The following CDH18 variants were observed in gnomAD, a reference collection of about 807,000 sequenced individuals.
The protein encoded by CDH18 is cadherin-18.
In CDH18, 31 loss-of-function variants were observed where a neutral mutation model predicts 67.9. The observed-to-expected ratio is 0.46, with a 90% CI of 0.34 to 0.62. The LOEUF is 0.62. Ranked by LOEUF, CDH18 falls within the 20% of genes least tolerant of loss-of-function variation. CDH18 has a pLI of 0.01. For synonymous variants in CDH18, 362 were observed against 347.2 expected, an observed-to-expected ratio of 1.04 and a Z score of -0.48; for missense variants, 890 against 975.5, an observed-to-expected ratio of 0.91 and a Z score of 1.17.
chr5:20,290,141 T>C (rs1309076811), intron 1 of CDH18, among the ~76,000 whole-genome samples: 1 of 152,108 alleles, frequency 6.6e-6, no homozygotes, highest in Non-Finnish European at 1.5e-5. Context: ...ACTGCTACCA[T>C]CAGAACAGAA....
rs115841757 is a variant in CDH18, at chr5:19,743,208, T to C, written c.523+3734A>G. Reference sequence around the variant, plus strand: ...ATCTACCCAAAGGGAAGAAGCATGATCCCATATATTTGTAACAAACGCTAT... The same window carrying C: ...ATCTACCCAAAGGGAAGAAGCATGACCCCATATATTTGTAACAAACGCTAT... On this transcript the variant is annotated intron_variant, in intron 4 of 12. Transcript: ENST00000382275. 7.6e-3 allele frequency among the ~76,000 whole-genome samples: 1,154 copies of C among 152,250 alleles called. 11 individuals carry two copies. Among genetic ancestry groups the C allele is most frequent in the African/African-American group, 0.027 (1,111 of 41,546 alleles).
intron 11 of CDH18, among the ~76,000 whole-genome samples, chr5:19,490,161 T>A (rs1741168472): frequency 1.3e-5 from 2 of 151,876 alleles, no homozygotes; most frequent in Admixed American, 1.3e-4. Context: ...TAAGCATAAA[T>A]CCTCAGAGAG....
chr5:19,709,727 GAAAA>G (rs1183146651), intron 5 of CDH18, among the ~76,000 whole-genome samples: 1 of 151,824 alleles, frequency 6.6e-6, no homozygotes, highest in East Asian at 1.9e-4. Flanking sequence ...AAGAAAAAAA[GAAAA>G]GAAAGAAAAG....
intron 2 of CDH18, among the ~76,000 whole-genome samples, chr5:20,164,564 C>G (rs922347370): frequency 2.0e-5 from 3 of 152,044 alleles, no homozygotes; most frequent in African/African-American, 4.8e-5. Context: ...TGTGAGCCAT[C>G]GCACCCAGCC....
At chr5:19,847,252 TC>T (rs1321122827) in intron 2 of CDH18, among the ~76,000 whole-genome samples, 2 of 152,110 alleles carry the variant, frequency 1.3e-5, no homozygotes, top group African/African-American at 4.8e-5. Context: ...TTTATTGGAA[TC>T]TCACAATGTG....
intron 3 of CDH18, among the ~76,000 whole-genome samples, chr5:19,790,586 A>T (rs188289348): frequency 6.6e-6 from 1 of 152,282 alleles, no homozygotes; most frequent in East Asian, 1.9e-4. Context: ...GAGCTGTAAA[A>T]GCTAAAAGGA....
chr5:19,599,812 G>A (rs1415784277), intron 6 of CDH18, among the ~76,000 whole-genome samples: 3 of 152,070 alleles, frequency 2.0e-5, no homozygotes, highest in Non-Finnish European at 4.4e-5. Context: ...GCGTGAACCC[G>A]GGAGGCAGAG....
At chr5:19,882,124 C>T (rs773060301) in intron 2 of CDH18, among the ~76,000 whole-genome samples, 4 of 152,104 alleles carry the variant, frequency 2.6e-5, no homozygotes, top group Non-Finnish European at 5.9e-5. Context: ...CAAAAATCAT[C>T]TGTGCAACTC....
chr5:20,444,803 A>G (rs1581011048), intron 1 of CDH18, among the ~76,000 whole-genome samples: 1 of 146,734 alleles, frequency 6.8e-6, no homozygotes, highest in African/African-American at 2.5e-5. Context: ...TCTGGCCATC[A>G]CCGTTCACTG....
intron 1 of CDH18, among the ~76,000 whole-genome samples, chr5:20,457,790 A>C (rs1750948384): frequency 6.6e-6 from 1 of 152,130 alleles, no homozygotes. Context: ...AAGGCTGGAC[A>C]AAAAAACTGG....
At chr5:19,991,278 G>A (rs1197583767), upstream of CDH18, among the ~76,000 whole-genome samples, 1 of 152,020 alleles carries the variant, frequency 6.6e-6, no homozygotes, top group Non-Finnish European at 1.5e-5. Context: ...TTTTTAGAGC[G>A]GTCAACTGCA....
intron 8 of CDH18, among the ~76,000 whole-genome samples, chr5:19,558,690 C>T (rs1384106154): frequency 2.0e-5 from 3 of 151,842 alleles, no homozygotes; most frequent in South Asian, 2.1e-4. Flanking sequence ...CAGGACCAGA[C>T]AGATTCATGG....
At chr5:19,856,342 G>A (rs945917787) in intron 2 of CDH18, among the ~76,000 whole-genome samples, 3 of 152,114 alleles carry the variant, frequency 2.0e-5, no homozygotes, top group African/African-American at 7.2e-5. Flanking sequence ...CAAGATGACA[G>A]TGTACCCTAC....
intron 3 of CDH18, among the ~76,000 whole-genome samples, chr5:19,770,893 G>A (rs1286396656): frequency 6.6e-6 from 1 of 152,214 alleles, no homozygotes; most frequent in Non-Finnish European, 1.5e-5. Context: ...CAGAACTACA[G>A]ATGAAGAGAA....
intron 1 of CDH18, among the ~76,000 whole-genome samples, chr5:20,324,621 CTT>C (rs1738374359): frequency 6.6e-6 from 1 of 151,988 alleles, no homozygotes; most frequent in African/African-American, 2.4e-5. Context: ...TCATGGGAGT[CTT>C]TACTGAAAAA....
chr5:20,511,232 G>A (rs190240433), intron 1 of CDH18, among the ~76,000 whole-genome samples: 8 of 152,238 alleles, frequency 5.3e-5, no homozygotes, highest in Non-Finnish European at 1.0e-4. Context: ...ATATTACAAC[G>A]AAGTGTCAGC....
chr5:19,521,015 A>T (rs1746817475), intron 9 of CDH18, among the ~76,000 whole-genome samples: 1 of 152,218 alleles, frequency 6.6e-6, no homozygotes, highest in Non-Finnish European at 1.5e-5. Context: ...CATATCAAGG[A>T]AATTACATGT....
At chr5:20,259,955 G>C (rs376264442) in intron 1 of CDH18, among the ~76,000 whole-genome samples, 1 of 151,792 alleles carries the variant, frequency 6.6e-6, no homozygotes, top group East Asian at 2.0e-4. Context: ...AATGGCTGCT[G>C]AAAGTATGTC....
chr5:19,500,641 C>G (rs555108259), intron 11 of CDH18, among the ~76,000 whole-genome samples: 1 of 152,146 alleles, frequency 6.6e-6, no homozygotes, highest in Non-Finnish European at 1.5e-5. Flanking sequence ...ATCTTTAGCA[C>G]TATGCAACCA....
Sources: allele counts gnomAD v4.1 joint callset (sites outside exome capture counted in the v4.1 genomes callset), GRCh38; gene constraint gnomAD v4.1.1; transcripts MANE v1.5; gene names NCBI Gene and HGNC (gene_info 2026-07-23, HGNC 2026-07-21).